FGF12: variants seen among roughly 807,000 people sequenced by gnomAD.
FGF12 encodes the protein fibroblast growth factor 12B.
Under a neutral mutation model 23.6 loss-of-function variants are expected in FGF12, and 14 were observed. That is an observed-to-expected ratio of 0.59 (90% CI 0.39 to 0.93). The LOEUF is 0.93. Ranked by LOEUF, FGF12 falls within the 40% of genes least tolerant of loss-of-function variation. The pLI, the probability that FGF12 is intolerant of heterozygous loss-of-function variation, is 0.00. For synonymous variants in FGF12, 62 were observed against 77.3 expected (o/e 0.80, Z 1.04); for missense variants, 175 against 217.8 (o/e 0.80, Z 1.24).
intron 2 of FGF12, among the ~76,000 whole-genome samples, chr3:192,550,099 G>C (rs188884345): frequency 2.6e-5 from 4 of 151,666 alleles, no homozygotes; most frequent in Admixed American, 6.6e-5. Flanking sequence ...ATATGTGTGA[G>C]TGTGTATATA....
chr3:192,252,462 C>CAAAAAAAAAAAAAAAAAAAAAAA (rs56920518), intron 4 of FGF12, among the ~76,000 whole-genome samples: 4 of 27,508 alleles, frequency 1.5e-4, no homozygotes, highest in Admixed American at 6.5e-4. Context: ...GAATCTGTCT[C>CAAAAAAAAAAAAAAAAAAAAAAA]AAAAAAAAAA....
intron 4 of FGF12, among the ~76,000 whole-genome samples, chr3:192,292,377 T>A (rs1451087994): frequency 6.6e-6 from 1 of 152,114 alleles, no homozygotes; most frequent in Non-Finnish European, 1.5e-5. Flanking sequence ...CATCCTTTTC[T>A]AAGTTTTATA....
chr3:192,629,841 G>A (rs532335029), intron 2 of FGF12, among the ~76,000 whole-genome samples: 5 of 152,222 alleles, frequency 3.3e-5, no homozygotes, highest in South Asian at 2.1e-4. Flanking sequence ...ATCTGTCCGC[G>A]ACTATTTCAA....
chr3:192,447,628 C>G (rs1722393126), intron 2 of FGF12, among the ~76,000 whole-genome samples: 1 of 152,150 alleles, frequency 6.6e-6, no homozygotes, highest in South Asian at 2.1e-4. Context: ...AACCTAAGCA[C>G]TCTTTTCTCA....
At chr3:192,561,191 C>A (rs999253153) in intron 2 of FGF12, among the ~76,000 whole-genome samples, 2 of 151,992 alleles carry the variant, frequency 1.3e-5, no homozygotes, top group South Asian at 2.1e-4. Context: ...TATACACAAA[C>A]ACACATTCTG....
At chr3:192,368,498 A>G (rs1180585790) in intron 2 of FGF12, among the ~76,000 whole-genome samples, 1 of 152,162 alleles carries the variant, frequency 6.6e-6, no homozygotes. Flanking sequence ...GGAAACCATT[A>G]AGGATATCTA....
chr3:192,713,842 G>A (rs1317178880), intron 2 of FGF12, among the ~76,000 whole-genome samples: 1 of 152,168 alleles, frequency 6.6e-6, no homozygotes, highest in East Asian at 1.9e-4. Flanking sequence ...GTGTCTTCCT[G>A]GAGCAGTTTT....
intron 3 of FGF12, among the ~76,000 whole-genome samples, chr3:192,355,812 A>T (rs370106623): frequency 6.6e-6 from 1 of 152,248 alleles, no homozygotes; most frequent in East Asian, 1.9e-4. Context: ...CACCCACATA[A>T]TCTAGGACAG....
chr3:192,551,122 A>G (rs529894154), intron 2 of FGF12, among the ~76,000 whole-genome samples: 2 of 152,354 alleles, frequency 1.3e-5, no homozygotes, highest in South Asian at 4.1e-4. Context: ...ATTTTCAAGC[A>G]CTTGATAACA....
chr3:192,253,642 G>A (rs1712182653), intron 4 of FGF12, among the ~76,000 whole-genome samples: 1 of 152,026 alleles, frequency 6.6e-6, no homozygotes, highest in Admixed American at 6.6e-5. Context: ...TGGTTTGGAA[G>A]GGGAAATGGT....
intron 4 of FGF12, among the ~76,000 whole-genome samples, chr3:192,280,955 A>T (rs1714108089): frequency 6.6e-6 from 1 of 152,166 alleles, no homozygotes; most frequent in Non-Finnish European, 1.5e-5. Flanking sequence ...CATTACAAAA[A>T]GGATTTGACA....
chr3:192,498,663 G>T (rs540135351), intron 2 of FGF12, among the ~76,000 whole-genome samples: 2 of 151,526 alleles, frequency 1.3e-5, no homozygotes, highest in African/African-American at 4.9e-5. Flanking sequence ...AACCCTGATT[G>T]AGTATATATT....
intron 2 of FGF12, among the ~76,000 whole-genome samples, chr3:192,491,521 C>T (rs1202573834): frequency 6.6e-6 from 1 of 152,068 alleles, no homozygotes; most frequent in Non-Finnish European, 1.5e-5. Flanking sequence ...ATTTACAAGC[C>T]TTCACTTGAC....
chr3:192,521,151 C>T (rs1018619510), intron 2 of FGF12: 1 of 152,198 alleles, frequency 6.6e-6, no homozygotes, highest in African/African-American at 2.4e-5. Context: ...TGCCCACAGC[C>T]TTACCAACAT....
chr3:192,272,554 G>C (rs1466067685), intron 4 of FGF12, among the ~76,000 whole-genome samples: 1 of 152,102 alleles, frequency 6.6e-6, no homozygotes, highest in East Asian at 1.9e-4. Flanking sequence ...AATGGAGAAG[G>C]GGGCTCTATG....
At chr3:192,714,729 G>T (rs1333212650) in intron 2 of FGF12, among the ~76,000 whole-genome samples, 1 of 151,864 alleles carries the variant, frequency 6.6e-6, no homozygotes, top group South Asian at 2.1e-4. Flanking sequence ...CGTTTTAGCC[G>T]GGATGGTCTC....
intron 2 of FGF12, among the ~76,000 whole-genome samples, chr3:192,466,476 C>T (rs1231131101): frequency 6.6e-6 from 1 of 152,112 alleles, no homozygotes; most frequent in African/African-American, 2.4e-5. Flanking sequence ...GTATATACCT[C>T]TCAAATGTAT....
chr3:192,711,312 C>T (rs951071785), intron 2 of FGF12, among the ~76,000 whole-genome samples: 23 of 141,624 alleles, frequency 1.6e-4, no homozygotes, highest in Admixed American at 8.0e-4. Context: ...CCCAGCCAGC[C>T]GCCCCATCCG....
At chr3:192,627,199 C>T (rs1207770478) in intron 2 of FGF12, among the ~76,000 whole-genome samples, 1 of 151,942 alleles carries the variant, frequency 6.6e-6, no homozygotes, top group African/African-American at 2.4e-5. Flanking sequence ...AGTCAGATAT[C>T]TATTTTGATA....
Sources: allele counts gnomAD v4.1 joint callset (sites outside exome capture counted in the v4.1 genomes callset), GRCh38; gene constraint gnomAD v4.1.1; transcripts MANE v1.5; gene names NCBI Gene and HGNC (gene_info 2026-07-23, HGNC 2026-07-21).